Variants in SCN8A observed in about 807,000 individuals in gnomAD.
SCN8A encodes the protein sodium channel protein type 8 subunit alpha.
SCN8A carries 30 observed loss-of-function variants against 184.1 expected under a neutral mutation model. The ratio of observed to expected loss-of-function variants is 0.16; its 90% CI spans 0.12 to 0.22. SCN8A has a LOEUF of 0.22. Among genes scored for constraint, SCN8A ranks in the 10% least tolerant of loss-of-function variants. SCN8A has a pLI of 1.00. For missense variants in SCN8A, 1,057 were observed against 2,498.9 expected, an observed-to-expected ratio of 0.42 and a Z score of 12.30; for synonymous variants, 852 against 907.0, an observed-to-expected ratio of 0.94 and a Z score of 1.09.
rs201392695 is a variant in SCN8A, at chr12:51,762,526, G to A, written c.2394G>A (p.Ala798=). ...GNLVFTGIFT[A]EMFLKLIAMD... ...AGGTTTTCACTGGAATTTTCACAGC[G>A]GAAATGTTCCTGAAGCTCATAGCCA... is the stretch of plus-strand genomic sequence containing the variant. Residue 798 remains alanine, a synonymous_variant, in exon 15 of 27, where the codon GCG becomes GCA. Coordinates refer to ENST00000627620, the MANE Select transcript of SCN8A (RefSeq NM_001330260.2). 3.0e-5 allele frequency: 49 copies of A among 1,613,136 alleles called. No homozygotes were observed. The African/African-American group carries it at 4.1e-4, about 14-fold the overall frequency.
intron 1 of SCN8A, among the ~76,000 whole-genome samples, chr12:51,620,512 G>A (rs185301647): frequency 1.7e-3 from 255 of 152,146 alleles, no homozygotes; most frequent in African/African-American, 5.9e-3. Flanking sequence ...GAGAAATTGG[G>A]ATGAGCACGT....
intron 11 of SCN8A, among the ~76,000 whole-genome samples, chr12:51,721,122 T>TATA (rs1942052059): frequency 6.6e-5 from 7 of 106,084 alleles, no homozygotes; most frequent in Non-Finnish European, 1.3e-4. Flanking sequence ...TTATTTATTG[T>TATA]TATATATATA....
At chr12:51,788,223 A>G (rs577179673) in intron 22 of SCN8A, among the ~76,000 whole-genome samples, 1 of 150,154 alleles carries the variant, frequency 6.7e-6, no homozygotes, top group Non-Finnish European at 1.5e-5. Flanking sequence ...AGTAAAGGGT[A>G]AGTCTGATCT....
At chr12:51,622,615 T>C (rs1379490129) in intron 1 of SCN8A, among the ~76,000 whole-genome samples, 1 of 152,248 alleles carries the variant, frequency 6.6e-6, no homozygotes, top group Non-Finnish European at 1.5e-5. Context: ...CCTCATATCA[T>C]ATTGGAAGAA....
chr12:51,796,033 GAC>G (rs944857909), intron 26 of SCN8A, among the ~76,000 whole-genome samples: 1 of 152,104 alleles, frequency 6.6e-6, no homozygotes, highest in Non-Finnish European at 1.5e-5. Flanking sequence ...GACAGAGAGA[GAC>G]CTAGTCTCAA....
At chr12:51,639,631 T>C (rs1940398168) in intron 1 of SCN8A, among the ~76,000 whole-genome samples, 1 of 152,144 alleles carries the variant, frequency 6.6e-6, no homozygotes, top group South Asian at 2.1e-4. Flanking sequence ...TACCATTGTA[T>C]GCTACAGAGA....
intron 2 of SCN8A, among the ~76,000 whole-genome samples, chr12:51,678,855 A>ATCACGAGG (rs1223724674): frequency 6.6e-6 from 1 of 152,204 alleles, no homozygotes; most frequent in African/African-American, 2.4e-5. Context: ...AGGCAGGTGG[A>ATCACGAGG]TCACGAGGTC....
chr12:51,763,319 A>C (rs1035427755), intron 15 of SCN8A, among the ~76,000 whole-genome samples: 9 of 152,186 alleles, frequency 5.9e-5, no homozygotes, highest in Non-Finnish European at 1.2e-4. Flanking sequence ...TACATGAGAT[A>C]TTCAATACTT....
At chr12:51,611,785 G>A (rs1939726349) in intron 1 of SCN8A, among the ~76,000 whole-genome samples, 1 of 152,162 alleles carries the variant, frequency 6.6e-6, no homozygotes, top group Non-Finnish European at 1.5e-5. Context: ...GTGAGCCACT[G>A]CACCCGGCCT....
chr12:51,742,702 G>A (rs1358006085), intron 12 of SCN8A, among the ~76,000 whole-genome samples: 3 of 151,686 alleles, frequency 2.0e-5, no homozygotes, highest in Non-Finnish European at 4.4e-5. Context: ...TCTGCTTGGT[G>A]TTCTATAATC....
intron 1 of SCN8A, among the ~76,000 whole-genome samples, chr12:51,612,390 C>T (rs1939740902): frequency 6.6e-6 from 1 of 152,174 alleles, no homozygotes; most frequent in Non-Finnish European, 1.5e-5. Context: ...TCTTGAATTC[C>T]TGAGCTCAAG....
At chr12:51,754,318 A>G (rs1255901648) in intron 14 of SCN8A, among the ~76,000 whole-genome samples, 1 of 99,240 alleles carries the variant, frequency 1.0e-5, no homozygotes, top group African/African-American at 3.2e-5. Flanking sequence ...CAGTACAAAA[A>G]ACTTCTTTTT....
intron 15 of SCN8A, among the ~76,000 whole-genome samples, chr12:51,763,986 A>G (rs1245670063): frequency 6.6e-6 from 1 of 152,138 alleles, no homozygotes; most frequent in Non-Finnish European, 1.5e-5. Flanking sequence ...TCTGTTTACT[A>G]CTCTTTGGTT....
rs547185202 is a variant in SCN8A, at chr12:51,734,694, G to A, written c.1999-11209G>A. On this transcript the variant is annotated intron_variant, in intron 12 of 26. Coordinates refer to ENST00000627620, the MANE Select transcript of SCN8A (RefSeq NM_001330260.2). ...GGGGCCAGTTTATGGCCAGATTTTG[G>A]GGGGCTTGCTCCCAACGTGTCTCCC... 2.1e-4 allele frequency among the ~76,000 whole-genome samples: 32 copies of A among 152,322 alleles called. 7 individuals carry two copies. The highest frequency in any genetic ancestry group is 7.7e-4 in the African/African-American group (32 of 41,574).
Position 51,807,105 on chromosome 12 carries a change from C to T in SCN8A, c.5619C>T (p.Phe1873=), listed in dbSNP as rs372752853. The part of the protein sequence containing the change: ...DILRQQMEER[F]VASNPSKVSY... ...TGCGGCAGCAGATGGAAGAGCGGTT[C>T]GTGGCATCCAATCCTTCCAAAGTGT... The change falls in exon 27 of 27, where the codon TTC becomes TTT. Residue 1873 remains phenylalanine (F), a synonymous_variant. Transcript: ENST00000627620. This position sits in a 1 kb window ranked among gnomAD's most constrained non-coding sequence, Gnocchi z 4.5. 60 of 1,613,826 alleles carry T rather than the reference C, an allele frequency of 3.7e-5. No homozygotes were observed. In the African/African-American group the frequency reaches 4.8e-4, roughly 13 times the overall value.
chr12:51,751,303 C>T (rs1942590168), intron 13 of SCN8A, 52 bp from the exon 14 acceptor site: 1 of 1,216,220 alleles, frequency 8.2e-7, no homozygotes, highest in African/African-American at 1.5e-5. Context: ...AGTGTGTCCC[C>T]CTGGTTTTCT....
rs751453869 is a variant in SCN8A at position 51,780,783 on chromosome 12, A to G, written c.3942+12A>G. ...TTGAAGGGATGAGGGTAAGATACTA[A>G]GAGCAGCTGATCCTTCTGCATGCCA... On this transcript the variant is annotated intron_variant, in intron 21 of 26. Transcript: ENST00000627620. 9.5e-6 allele frequency: 15 copies of G among 1,572,282 alleles called. No homozygotes were observed. Among genetic ancestry groups the G allele is most frequent in the Non-Finnish European group, 1.3e-5 (15 of 1,166,356 alleles).
intron 1 of SCN8A, among the ~76,000 whole-genome samples, chr12:51,624,372 G>C (rs1940029640): frequency 1.3e-5 from 2 of 151,718 alleles, no homozygotes; most frequent in South Asian, 4.2e-4. Flanking sequence ...GTGATGATGA[G>C]CATTTTTTCA....
chr12:51,685,475 T>A (rs907596221), intron 3 of SCN8A, among the ~76,000 whole-genome samples: 5 of 152,212 alleles, frequency 3.3e-5, no homozygotes, highest in Non-Finnish European at 7.3e-5. Context: ...TAAAATAGTT[T>A]AATTTTTCTC....
Sources: allele counts gnomAD v4.1 joint callset (sites outside exome capture counted in the v4.1 genomes callset), GRCh38; gene constraint gnomAD v4.1.1; non-coding constraint Gnocchi (gnomAD v3.1); transcripts MANE v1.5; gene names NCBI Gene and HGNC (gene_info 2026-07-23, HGNC 2026-07-21).